Variants in SMURF1 observed in about 807,000 individuals in gnomAD.
The protein encoded by SMURF1 is E3 ubiquitin-protein ligase SMURF1.
In SMURF1, 44 loss-of-function variants were observed where a neutral mutation model predicts 98.0. The ratio of observed to expected loss-of-function variants is 0.45; its 90% CI spans 0.35 to 0.58. SMURF1 has a LOEUF of 0.58. Among genes scored for constraint, SMURF1 ranks in the 20% least tolerant of loss-of-function variants. The pLI, the probability that SMURF1 is intolerant of heterozygous loss-of-function variation, is 0.00. For missense variants in SMURF1, 687 were observed against 938.4 expected (o/e 0.73, Z 3.50); for synonymous variants, 396 against 374.9 (o/e 1.06, Z -0.65).
rs182239703 is a variant in SMURF1, at chr7:99,067,646, T to C, written c.56-5809A>G. On this transcript the variant is annotated intron_variant, in intron 1 of 17. Coordinates refer to ENST00000361368, the MANE Select transcript of SMURF1 (RefSeq NM_181349.3). ...CAAGCTTCTTTTACCTGGCAAAAGATAGGGTTACAAAAATAGTACTTGAGG... is the reference window on the plus strand; with the variant it reads ...CAAGCTTCTTTTACCTGGCAAAAGACAGGGTTACAAAAATAGTACTTGAGG... Among the ~76,000 whole-genome samples, 132 of 152,254 alleles carry C rather than the reference T, an allele frequency of 8.7e-4. 1 individual carries two copies. Among genetic ancestry groups the C allele is most frequent in the African/African-American group, 3.0e-3 (124 of 41,556 alleles).
chr7:99,068,662 A>G (rs1382568973), intron 1 of SMURF1, among the ~76,000 whole-genome samples: 1 of 152,146 alleles, frequency 6.6e-6, no homozygotes, highest in Non-Finnish European at 1.5e-5. Context: ...ACAACAAACA[A>G]CAACAACAAA....
At chr7:99,110,673 A>G (rs140957289) in intron 1 of SMURF1, among the ~76,000 whole-genome samples, 68 of 152,368 alleles carry the variant, frequency 4.5e-4, no homozygotes, top group East Asian at 1.7e-3. Context: ...CATATCTATC[A>G]TATCTTTTTA....
Position 99,052,335 on chromosome 7 carries a change from G to A in SMURF1, c.591C>T (p.Phe197=), listed in dbSNP as rs772861699. The change falls in exon 7 of 18, where the codon TTC becomes TTT. Residue 197 remains phenylalanine (F), a synonymous_variant. Transcript: ENST00000361368. ...GAAAGGGNCR[F]VESPSQDQRL... ...TTTGATCTTGACTTGGGGACTCCACGAACCTGCAATTCCCTCCTCCAGCAG... is the reference window on the plus strand; with the variant it reads ...TTTGATCTTGACTTGGGGACTCCACAAACCTGCAATTCCCTCCTCCAGCAG... 103 of 1,612,560 alleles carry A rather than the reference G, an allele frequency of 6.4e-5. No individual in the cohort carries two copies. Among genetic ancestry groups the A allele is most frequent in the Admixed American group, 1.7e-4 (10 of 59,834 alleles).
At chr7:99,045,483 G>C in intron 11 of SMURF1, 1 of 514,082 alleles carries the variant, frequency 1.9e-6, no homozygotes, top group Non-Finnish European at 3.4e-6. Flanking sequence ...CGGATATTCT[G>C]GTAGGTTATG....
At chr7:99,140,451 T>A (rs1055423216) in intron 1 of SMURF1, among the ~76,000 whole-genome samples, 2 of 152,056 alleles carry the variant, frequency 1.3e-5, no homozygotes, top group East Asian at 3.9e-4. Context: ...CACACCCAGC[T>A]AATTTTTTGT....
intron 1 of SMURF1, among the ~76,000 whole-genome samples, chr7:99,070,649 C>CT (rs34341240): frequency 0.36 from 53,963 of 148,256 alleles, 10,969 homozygotes; most frequent in Non-Finnish European, 0.47. Flanking sequence ...TAGGTAATGA[C>CT]TTTTTTTTTT....
At chr7:99,073,872 A>G (rs2150559825) in intron 1 of SMURF1, among the ~76,000 whole-genome samples, 1 of 152,282 alleles carries the variant, frequency 6.6e-6, no homozygotes, top group East Asian at 1.9e-4. Flanking sequence ...GATAATAAAT[A>G]ATAGTAGCAC....
chr7:99,049,303 G>A (rs1795680876), intron 9 of SMURF1: 1 of 415,120 alleles, frequency 2.4e-6, no homozygotes, highest in South Asian at 2.6e-5. Context: ...CCTTCGTGCA[G>A]CCGCCTAATA....
intron 1 of SMURF1, among the ~76,000 whole-genome samples, chr7:99,124,174 G>A (rs1797699489): frequency 6.6e-6 from 1 of 152,180 alleles, no homozygotes; most frequent in South Asian, 2.1e-4. Flanking sequence ...AAATAGTAAA[G>A]AGCTTCAATA....
intron 1 of SMURF1, among the ~76,000 whole-genome samples, chr7:99,110,435 C>G (rs1797292563): frequency 6.6e-6 from 1 of 152,064 alleles, no homozygotes; most frequent in Non-Finnish European, 1.5e-5. Flanking sequence ...AATCAGGGAA[C>G]TAGATATCAA....
chr7:99,101,576 T>C (rs1797082697), intron 1 of SMURF1, among the ~76,000 whole-genome samples: 1 of 152,210 alleles, frequency 6.6e-6, no homozygotes, highest in Admixed American at 6.5e-5. Context: ...TGTAATCACT[T>C]TTCGTAAATG....
Position 99,143,369 on chromosome 7 carries a change from AAGGGGCGGGGCCAGGAAAAGAGAAGCG to A in SMURF1, c.55+330_55+356del, listed in dbSNP as rs773333042. ...GGGGAAAGGGCCTGGAAGGAGATGC[AAGGGGCGGGGCCAGGAAAAGAGAAGCG>A]AGGGGCGGGGCCAGGGAAGGAGATG... On this transcript the variant is annotated intron_variant, in intron 1 of 17. Transcript: ENST00000361368. Among the ~76,000 whole-genome samples, 1,006 of 133,540 alleles carry A rather than the reference AAGGGGCGGGGCCAGGAAAAGAGAAGCG, an allele frequency of 7.5e-3. 8 individuals are homozygous for A. The highest frequency in any genetic ancestry group is 0.012 in the Non-Finnish European group (754 of 62,188). The allele number at this position is 133,540 out of a possible 152,430, so 87.6% of individuals were successfully genotyped here. A position where few individuals can be genotyped will look rare whatever the true frequency, so the allele number is the denominator to read the frequency against.
At chr7:99,089,911 G>A (rs1236085876) in intron 1 of SMURF1, among the ~76,000 whole-genome samples, 1 of 152,150 alleles carries the variant, frequency 6.6e-6, no homozygotes, top group Admixed American at 6.5e-5. Flanking sequence ...AAGGAGTGTG[G>A]GGTAGGAGAG....
chr7:99,113,900 C>T (rs1007125261), intron 1 of SMURF1, among the ~76,000 whole-genome samples: 1 of 124,828 alleles, frequency 8.0e-6, no homozygotes, highest in African/African-American at 3.0e-5. Context: ...ATAAAGAACA[C>T]TAATAAAGGA....
chr7:99,129,814 G>A (rs936259870), intron 1 of SMURF1, among the ~76,000 whole-genome samples: 1 of 152,182 alleles, frequency 6.6e-6, no homozygotes, highest in African/African-American at 2.4e-5. Flanking sequence ...AGAGCTTGGC[G>A]GTCTGTGGGA....
At position 99,127,719 on chromosome 7, in the gene SMURF1, G is replaced by T. The variant is rs1584210204; in HGVS notation, c.55+16007C>A. 2.6e-5 allele frequency among the ~76,000 whole-genome samples: 4 copies of T among 152,142 alleles called. No individual in the cohort carries two copies. In the East Asian group the frequency reaches 7.7e-4, roughly 29 times the overall value. ...TGAGACATGCACTTCAAATTAACAA[G>T]TTGGGTTTTTTTCCTGAATAAAGTC... On this transcript the variant is annotated intron_variant, in intron 1 of 17. Transcript: ENST00000361368.
At chr7:99,143,118 G>T (rs1226867486) in intron 1 of SMURF1, among the ~76,000 whole-genome samples, 1 of 146,804 alleles carries the variant, frequency 6.8e-6, no homozygotes, top group Non-Finnish European at 1.5e-5. Context: ...AGGGAGAAGC[G>T]AGGGGGCGGG....
chr7:99,076,555 G>C (rs13310381), intron 1 of SMURF1, among the ~76,000 whole-genome samples: 52,548 of 152,108 alleles, frequency 0.35, 10,825 homozygotes, highest in Non-Finnish European at 0.46. Flanking sequence ...GAAAGTCTAA[G>C]AAACTGTCAC....
rs1390906537 is a variant in SMURF1 at position 99,057,536 on chromosome 7, C to T, written c.219G>A (p.Thr73=). ...NQHYDLYVGK[T]DSITISVWNH... Reference sequence around the variant, plus strand: ...TCCACACGCTAATGGTTATCGAATCCGTTTTCCCAACATATCTGGAAAGAA... The same window carrying T: ...TCCACACGCTAATGGTTATCGAATCTGTTTTCCCAACATATCTGGAAAGAA... Residue 73 remains threonine, a synonymous_variant, in exon 4 of 18, where the codon ACG becomes ACA. Transcript: ENST00000361368. 1.3e-5 allele frequency: 20 copies of T among 1,538,764 alleles called. No homozygotes were observed. The East Asian group carries it at 1.9e-4, about 15-fold the overall frequency.
Sources: gnomAD v4.1 joint callset for allele counts (sites outside exome capture counted in the v4.1 genomes callset) on GRCh38, gnomAD v4.1.1 for gene constraint, MANE v1.5 for transcripts, NCBI Gene and HGNC (gene_info 2026-07-23, HGNC 2026-07-21) for gene names.